ROBO2: variants seen among roughly 807,000 people sequenced by gnomAD.
ROBO2 encodes the protein roundabout guidance receptor 2.
In ROBO2, 53 loss-of-function variants were observed where a neutral mutation model predicts 160.8. That is an observed-to-expected ratio of 0.33 (90% CI 0.26 to 0.41). ROBO2 has a LOEUF of 0.41. ROBO2 is among the 10% of genes least tolerant of loss of function. The pLI, the probability that ROBO2 is intolerant of heterozygous loss-of-function variation, is 1.00. For synonymous variants in ROBO2, 664 were observed against 611.7 expected (o/e 1.09, Z -1.26); for missense variants, 1,577 against 1,722.4 (o/e 0.92, Z 1.49).
chr3:76,024,668 GA>G (rs1004505772), intron 2 of ROBO2, among the ~76,000 whole-genome samples: 3 of 151,460 alleles, frequency 2.0e-5, no homozygotes, highest in Admixed American at 6.6e-5. Flanking sequence ...AAATGAATTG[GA>G]AAAATGAATT....
At chr3:76,303,968 G>C (rs1165075070) in intron 2 of ROBO2, among the ~76,000 whole-genome samples, 1 of 151,994 alleles carries the variant, frequency 6.6e-6, no homozygotes, top group Admixed American at 6.6e-5. Flanking sequence ...CACTGGCAAA[G>C]GAAAAAGGAA....
intron 2 of ROBO2, among the ~76,000 whole-genome samples, chr3:76,323,282 G>A (rs1468110771): frequency 6.6e-6 from 1 of 151,764 alleles, no homozygotes; most frequent in Non-Finnish European, 1.5e-5. Flanking sequence ...TCTATATTAA[G>A]CACTACTTTT....
chr3:76,707,060 A>G (rs2093178267), intron 2 of ROBO2, among the ~76,000 whole-genome samples: 1 of 152,052 alleles, frequency 6.6e-6, no homozygotes, highest in Non-Finnish European at 1.5e-5. Context: ...GTATATATAC[A>G]TATTTTCTGT....
chr3:77,320,166 G>A (rs1405261774), intron 2 of ROBO2, among the ~76,000 whole-genome samples: 1 of 152,048 alleles, frequency 6.6e-6, no homozygotes, highest in South Asian at 2.1e-4. Flanking sequence ...GGCTTATGTG[G>A]GGATCATTTT....
At chr3:77,232,762 G>A (rs546537673) in intron 2 of ROBO2, among the ~76,000 whole-genome samples, 1 of 152,176 alleles carries the variant, frequency 6.6e-6, no homozygotes, top group South Asian at 2.1e-4. Flanking sequence ...TAAGTTATAT[G>A]TATGTCTATG....
At position 77,563,063 on chromosome 3, in the gene ROBO2, C is replaced by T. The variant is rs1007793023; in HGVS notation, c.1520-104C>T. On this transcript the variant is annotated intron_variant, in intron 10 of 25. Transcript: ENST00000461745. ...ACTTCTGATTCATGGAGATGAATTT[C>T]TCACTGTCTAGGTCAGGTCCTTTAG... is the stretch of plus-strand genomic sequence containing the variant. 68 of 1,023,050 alleles carry T rather than the reference C, an allele frequency of 6.6e-5. No individual in the cohort carries two copies. In the Middle Eastern group the frequency reaches 2.1e-3, roughly 32 times the overall value. 63.4% of individuals were successfully genotyped at this position (1,023,050 alleles called of 1,614,324 possible). A position where few individuals can be genotyped will look rare whatever the true frequency, so the allele number is the denominator to read the frequency against.
intron 20 of ROBO2, among the ~76,000 whole-genome samples, chr3:77,607,579 A>G (rs2094549182): frequency 6.6e-6 from 1 of 152,162 alleles, no homozygotes; most frequent in African/African-American, 2.4e-5. Flanking sequence ...TTTTTGGTTC[A>G]TTCAGCTCTG....
intron 2 of ROBO2, among the ~76,000 whole-genome samples, chr3:77,444,508 T>G (rs2080267960): frequency 1.3e-5 from 2 of 152,210 alleles, no homozygotes; most frequent in African/African-American, 4.8e-5. Context: ...TGGTGTTTTT[T>G]AGTTTGCCCT....
At chr3:76,328,395 C>T (rs1396561863) in intron 2 of ROBO2, among the ~76,000 whole-genome samples, 1 of 152,164 alleles carries the variant, frequency 6.6e-6, no homozygotes, top group East Asian at 1.9e-4. Flanking sequence ...GTTTTTCAAG[C>T]ATTTCTTTTA....
intron 2 of ROBO2, among the ~76,000 whole-genome samples, chr3:76,443,249 C>T (rs969310968): frequency 1.3e-5 from 2 of 152,094 alleles, no homozygotes; most frequent in African/African-American, 2.4e-5. Context: ...CCCCATGACC[C>T]AAATACCTCC....
intron 2 of ROBO2, among the ~76,000 whole-genome samples, chr3:77,467,749 A>G (rs1479484088): frequency 6.7e-6 from 1 of 148,600 alleles, no homozygotes; most frequent in African/African-American, 2.5e-5. Flanking sequence ...AAAAGCACTA[A>G]TATAAAAAAA....
intron 2 of ROBO2, among the ~76,000 whole-genome samples, chr3:77,348,667 T>C (rs1442684978): frequency 3.9e-5 from 6 of 152,160 alleles, no homozygotes; most frequent in Non-Finnish European, 7.3e-5. Flanking sequence ...ATGTCCAGAT[T>C]GCGTTCATTT....
chr3:77,001,357 T>G (rs1365565950), intron 2 of ROBO2, among the ~76,000 whole-genome samples: 1 of 152,154 alleles, frequency 6.6e-6, no homozygotes, highest in Non-Finnish European at 1.5e-5. Flanking sequence ...TTCTTGTCAC[T>G]GGTCAACATA....
intron 2 of ROBO2, among the ~76,000 whole-genome samples, chr3:76,318,611 G>A (rs549047103): frequency 9.9e-4 from 151 of 152,198 alleles, no homozygotes; most frequent in African/African-American, 3.4e-3. Context: ...GTTCATGAAT[G>A]CATAGTTAAG....
intron 2 of ROBO2, among the ~76,000 whole-genome samples, chr3:76,843,776 T>C (rs1455552511): frequency 1.3e-5 from 2 of 151,952 alleles, no homozygotes; most frequent in Non-Finnish European, 1.5e-5. Context: ...TTTGTCTATA[T>C]GTTAATGTTT....
At chr3:76,281,644 A>G (rs1708238414) in intron 2 of ROBO2, among the ~76,000 whole-genome samples, 1 of 151,946 alleles carries the variant, frequency 6.6e-6, no homozygotes, top group African/African-American at 2.4e-5. Flanking sequence ...GAAATAAAAA[A>G]AAAAATTCTT....
At chr3:76,293,527 A>G (rs1340328065) in intron 2 of ROBO2, among the ~76,000 whole-genome samples, 1 of 152,176 alleles carries the variant, frequency 6.6e-6, no homozygotes, top group Non-Finnish European at 1.5e-5. Flanking sequence ...TGAATCCAAA[A>G]AAAAGTAATA....
At chr3:76,604,435 G>A (rs1343613203) in intron 2 of ROBO2, among the ~76,000 whole-genome samples, 1 of 152,030 alleles carries the variant, frequency 6.6e-6, no homozygotes, top group Non-Finnish European at 1.5e-5. Context: ...GTTCTTCTCA[G>A]AATAAGGCAT....
chr3:77,091,730 G>T (rs1037386971), intron 1 of ROBO2, among the ~76,000 whole-genome samples: 2 of 152,042 alleles, frequency 1.3e-5, no homozygotes, highest in African/African-American at 4.8e-5. Context: ...TGTAATCCCA[G>T]CACTTCTGGA....
Sources: gnomAD v4.1 joint callset for allele counts (sites outside exome capture counted in the v4.1 genomes callset) on GRCh38, gnomAD v4.1.1 for gene constraint, MANE v1.5 for transcripts, NCBI Gene and HGNC (gene_info 2026-07-23, HGNC 2026-07-21) for gene names.